The following CYYR1 variants were observed in gnomAD, a reference collection of about 807,000 sequenced individuals.
CYYR1 encodes cysteine and tyrosine rich 1.
In CYYR1, 14 loss-of-function variants were observed where a neutral mutation model predicts 15.2. The ratio of observed to expected loss-of-function variants is 0.92; its 90% CI spans 0.61 to 1.44. The LOEUF is 1.44. Ranked by LOEUF, CYYR1 falls within the 40% of genes most tolerant of loss-of-function variation. The probability of loss-of-function intolerance (pLI) is 0.00; values close to 1 mark genes in which losing one functional copy is unlikely to be tolerated. For synonymous variants in CYYR1, 80 were observed against 77.4 expected (o/e 1.03, Z -0.18); for missense variants, 228 against 209.5 (o/e 1.09, Z -0.54).
At chr21:26,472,142 C>T (rs2065042984) in intron 3 of CYYR1, among the ~76,000 whole-genome samples, 1 of 152,174 alleles carries the variant, frequency 6.6e-6, no homozygotes, top group Non-Finnish European at 1.5e-5. Context: ...TGCATCCTTG[C>T]AGTCACAGAG....
chr21:26,551,624 T>G, intron 2 of CYYR1: 1 of 156,852 alleles, frequency 6.4e-6, no homozygotes, highest in Non-Finnish European at 1.4e-5. Context: ...TCAAGGAAAT[T>G]AGAACTAAAA....
chr21:26,534,765 T>C (rs2065974567), intron 2 of CYYR1, among the ~76,000 whole-genome samples: 1 of 152,124 alleles, frequency 6.6e-6, no homozygotes, highest in Non-Finnish European at 1.5e-5. Context: ...TTTCTTGACT[T>C]CCTTAATCCT....
At chr21:26,520,850 A>T (rs1347708730) in intron 2 of CYYR1, among the ~76,000 whole-genome samples, 1 of 152,170 alleles carries the variant, frequency 6.6e-6, no homozygotes, top group Non-Finnish European at 1.5e-5. Flanking sequence ...GCTTTATGCA[A>T]CCAACAAACA....
chr21:26,556,734 C>A (rs999902090), intron 2 of CYYR1, among the ~76,000 whole-genome samples: 11 of 152,074 alleles, frequency 7.2e-5, no homozygotes, highest in African/African-American at 2.7e-4. Context: ...AGGGAGAAAT[C>A]CACGCCCATG....
chr21:26,566,826 T>C (rs571044341), intron 1 of CYYR1, among the ~76,000 whole-genome samples: 2 of 152,138 alleles, frequency 1.3e-5, no homozygotes, highest in African/African-American at 4.8e-5. Context: ...CTGGCCAACA[T>C]GATAAAATCC....
intron 2 of CYYR1, among the ~76,000 whole-genome samples, chr21:26,539,949 T>G (rs1978432519): frequency 6.6e-6 from 1 of 152,182 alleles, no homozygotes; most frequent in African/African-American, 2.4e-5. Flanking sequence ...TATCTCCTTT[T>G]CTCTGATTTA....
intron 2 of CYYR1, among the ~76,000 whole-genome samples, chr21:26,558,083 G>A (rs1439092653): frequency 6.6e-6 from 1 of 152,132 alleles, no homozygotes; most frequent in Non-Finnish European, 1.5e-5. Context: ...TGCTTTCCAG[G>A]TGTACTGGGC....
intron 2 of CYYR1, among the ~76,000 whole-genome samples, chr21:26,497,328 T>G (rs2065419671): frequency 6.6e-6 from 1 of 152,154 alleles, no homozygotes; most frequent in Non-Finnish European, 1.5e-5. Context: ...ATTTCAAAGA[T>G]CGTTTCATCA....
At chr21:26,501,781 C>T (rs896428995) in intron 2 of CYYR1, among the ~76,000 whole-genome samples, 11 of 152,126 alleles carry the variant, frequency 7.2e-5, no homozygotes, top group African/African-American at 2.7e-4. Context: ...CACTTATCTA[C>T]CTCTCTGAAG....
chr21:26,480,362 T>C lies in CYYR1; in HGVS notation c.244A>G (p.Ile82Val). The C allele has an allele frequency of 4.3e-6, 7 of 1,613,608 alleles. No individual in the cohort carries two copies. The highest frequency in any genetic ancestry group is 5.9e-6 in the Non-Finnish European group (7 of 1,179,694). ...TTCTTCATGCACATGCAGATGCATA[T>C]GGCAATCCCAGCAATGACCCCCATG... ...FIMGVIAGIA[I>V]CICMCMKNHR... Residue 82 changes from isoleucine to valine, a missense_variant, in exon 3 of 4, where the codon ATA becomes GTA. Physicochemically the swap from Ile to Val is conservative, Grantham distance 29. Coordinates refer to ENST00000652641, the MANE Select transcript of CYYR1 (RefSeq NM_001320768.2).
chr21:26,487,615 T>C (rs1312264111), intron 2 of CYYR1, among the ~76,000 whole-genome samples: 1 of 152,098 alleles, frequency 6.6e-6, no homozygotes, highest in African/African-American at 2.4e-5. Context: ...TAATGCATTT[T>C]CTTCTCTGTT....
chr21:26,478,096 A>G, intron 3 of CYYR1: 1 of 1,549,788 alleles, frequency 6.5e-7, no homozygotes. Flanking sequence ...AGAGTGTTGA[A>G]CAAAATAGAC....
intron 2 of CYYR1, among the ~76,000 whole-genome samples, chr21:26,541,818 A>G (rs1260218860): frequency 7.2e-5 from 11 of 152,228 alleles, no homozygotes; most frequent in Non-Finnish European, 1.5e-4. Flanking sequence ...GGGGTGCTTA[A>G]CTTTCAATAG....
intron 2 of CYYR1, among the ~76,000 whole-genome samples, chr21:26,510,496 C>T (rs2065631822): frequency 6.6e-6 from 1 of 152,144 alleles, no homozygotes; most frequent in African/African-American, 2.4e-5. Context: ...AAAATTCATT[C>T]AACAGTGAAT....
chr21:26,526,393 A>G (rs916362651), intron 2 of CYYR1, among the ~76,000 whole-genome samples: 55 of 152,278 alleles, frequency 3.6e-4, no homozygotes, highest in African/African-American at 1.3e-3. Context: ...GTTTGCAGTG[A>G]GCTGAGATTG....
intron 3 of CYYR1, among the ~76,000 whole-genome samples, chr21:26,475,826 T>C (rs1163064641): frequency 6.6e-6 from 1 of 152,212 alleles, no homozygotes; most frequent in Non-Finnish European, 1.5e-5. Flanking sequence ...GGGCGAAGAC[T>C]TGACTACATT....
intron 2 of CYYR1, among the ~76,000 whole-genome samples, chr21:26,511,580 G>A (rs989543897): frequency 6.6e-6 from 1 of 152,184 alleles, no homozygotes; most frequent in Non-Finnish European, 1.5e-5. Flanking sequence ...CCAAGTGCTG[G>A]CTTTTAAAAT....
intron 2 of CYYR1, among the ~76,000 whole-genome samples, chr21:26,481,986 A>G (rs190557496): frequency 1.1e-3 from 175 of 152,214 alleles, no homozygotes; most frequent in African/African-American, 3.8e-3. Flanking sequence ...TCTCATTTGC[A>G]TATTCCACAA....
chr21:26,561,423 A>G (rs1980191999), intron 2 of CYYR1, among the ~76,000 whole-genome samples: 1 of 152,236 alleles, frequency 6.6e-6, no homozygotes, highest in Non-Finnish European at 1.5e-5. Context: ...TAATGATCAT[A>G]GGACCTCAAA....
Sources: gnomAD v4.1 joint callset for allele counts (sites outside exome capture counted in the v4.1 genomes callset) on GRCh38, gnomAD v4.1.1 for gene constraint, MANE v1.5 for transcripts, NCBI Gene and HGNC (gene_info 2026-07-23, HGNC 2026-07-21) for gene names.